The following ADGRB3 variants were observed in gnomAD, a reference collection of about 807,000 sequenced individuals.
ADGRB3 encodes brain-specific angiogenesis inhibitor 3.
A neutral mutation model predicts 193.4 loss-of-function variants in ADGRB3; 37 were observed. That is an observed-to-expected ratio of 0.19 (90% CI 0.15 to 0.25). The LOEUF (loss-of-function observed/expected upper bound fraction) is 0.25. Ranked by LOEUF, ADGRB3 falls within the 10% of genes least tolerant of loss-of-function variation. The probability of loss-of-function intolerance (pLI) is 1.00; values close to 1 mark genes in which losing one functional copy is unlikely to be tolerated. For synonymous variants in ADGRB3, 690 were observed against 644.2 expected, an observed-to-expected ratio of 1.07 and a Z score of -1.08; for missense variants, 1,637 against 1,852.9, an observed-to-expected ratio of 0.88 and a Z score of 2.14.
At chr6:68,859,446 C>T (rs1342530902) in intron 3 of ADGRB3, among the ~76,000 whole-genome samples, 2 of 152,224 alleles carry the variant, frequency 1.3e-5, no homozygotes, top group South Asian at 2.1e-4. Flanking sequence ...TTACTGTATT[C>T]GTCTGTTCTC....
Position 68,936,671 on chromosome 6 carries a change from C to T in ADGRB3, c.1021C>T (p.Leu341Phe), listed in dbSNP as rs2150248372. Residue 341 changes from leucine (L) to phenylalanine (F), a missense_variant, in exon 5 of 32, where the codon CTC becomes TTC. This residue lies in a region of ADGRB3 where 365 missense variants were observed against 409.8 expected (regional missense o/e 0.89). Coordinates refer to ENST00000370598, the MANE Select transcript of ADGRB3 (RefSeq NM_001704.3). ...RESRVCNNTALCPVHGVWEEW... is the reference protein window; with the variant it reads ...RESRVCNNTAFCPVHGVWEEW... Reference sequence around the variant, plus strand: ...ATCAAGGGTTTGCAATAACACTGCCCTCTGTCCAGGTAGTGTTAGCAGCAA... The same window carrying T: ...ATCAAGGGTTTGCAATAACACTGCCTTCTGTCCAGGTAGTGTTAGCAGCAA... The T allele has an allele frequency of 1.9e-6, 3 of 1,612,758 alleles. No homozygotes were observed. In the Admixed American group the frequency reaches 5.0e-5, roughly 27 times the overall value.
At chr6:69,102,765 G>C (rs1773101031) in intron 17 of ADGRB3, among the ~76,000 whole-genome samples, 1 of 152,178 alleles carries the variant, frequency 6.6e-6, no homozygotes, top group South Asian at 2.1e-4. Flanking sequence ...GACTTGTAAT[G>C]AGTCCAGATA....
At chr6:69,351,227 G>A (rs1415452395) in intron 26 of ADGRB3, among the ~76,000 whole-genome samples, 1 of 151,688 alleles carries the variant, frequency 6.6e-6, no homozygotes, top group Admixed American at 6.6e-5. Context: ...CAGGTAGCTG[G>A]GATTACAGGC....
In ADGRB3 at chr6:69,073,436, A is replaced by G. The variant is rs555900642; in HGVS notation, c.2437-2559A>G. 9.5e-4 allele frequency among the ~76,000 whole-genome samples: 145 copies of G among 152,218 alleles called. 1 individual carries two copies. The highest frequency in any genetic ancestry group is 3.4e-3 in the African/African-American group (142 of 41,538). ...AGAGCCGGGTTCTTGTTACATGGCC[A>G]TGAGAGATTAGGCTTGCAGACACTT... is the stretch of plus-strand genomic sequence containing the variant. On this transcript the variant is annotated intron_variant, in intron 16 of 31. Transcript: ENST00000370598.
chr6:69,032,188 T>C (rs758766269), intron 13 of ADGRB3, among the ~76,000 whole-genome samples: 22 of 152,326 alleles, frequency 1.4e-4, no homozygotes, highest in Non-Finnish European at 3.2e-4. Context: ...CTTGGAATTA[T>C]AGGTCTTCCC....
chr6:68,664,281 G>C (rs1768744099), intron 3 of ADGRB3, among the ~76,000 whole-genome samples: 2 of 151,456 alleles, frequency 1.3e-5, no homozygotes, highest in Admixed American at 1.3e-4. Flanking sequence ...ATTATATTTA[G>C]GATAAAATAT....
At chr6:68,652,934 G>A (rs952039876) in intron 3 of ADGRB3, among the ~76,000 whole-genome samples, 1 of 152,118 alleles carries the variant, frequency 6.6e-6, no homozygotes, top group African/African-American at 2.4e-5. Flanking sequence ...GAGATGTCAT[G>A]AATGTTTTTC....
At chr6:68,927,426 G>T (rs562915285) in intron 3 of ADGRB3, among the ~76,000 whole-genome samples, 2 of 151,974 alleles carry the variant, frequency 1.3e-5, no homozygotes. Context: ...AAAATAATTG[G>T]TTTTTCCTAA....
At chr6:68,937,948 G>A (rs1342789327) in intron 5 of ADGRB3, among the ~76,000 whole-genome samples, 2 of 152,140 alleles carry the variant, frequency 1.3e-5, no homozygotes, top group East Asian at 3.9e-4. Context: ...AAAAAGGACA[G>A]TGTGGAGGAA....
intron 3 of ADGRB3, among the ~76,000 whole-genome samples, chr6:68,842,141 A>G (rs1005948503): frequency 2.7e-4 from 41 of 152,136 alleles, no homozygotes; most frequent in African/African-American, 9.4e-4. Context: ...ATAACTATAT[A>G]CATCTACTAA....
At chr6:69,034,184 T>A (rs1419339603) in intron 13 of ADGRB3, among the ~76,000 whole-genome samples, 1 of 152,104 alleles carries the variant, frequency 6.6e-6, no homozygotes, top group East Asian at 1.9e-4. Context: ...TTTTGAAGAA[T>A]CTGTACTTTT....
intron 17 of ADGRB3, among the ~76,000 whole-genome samples, chr6:69,161,053 AT>A (rs1442014503): frequency 6.6e-6 from 1 of 152,058 alleles, no homozygotes; most frequent in African/African-American, 2.4e-5. Context: ...TCTAAAACTT[AT>A]TTTCCTTAGT....
At chr6:69,297,616 T>G (rs1467623474) in intron 20 of ADGRB3, among the ~76,000 whole-genome samples, 1 of 151,824 alleles carries the variant, frequency 6.6e-6, no homozygotes, top group African/African-American at 2.4e-5. Flanking sequence ...GAACAAAAGA[T>G]TTCCAAAAGA....
chr6:69,311,634 A>T (rs1039215806), intron 20 of ADGRB3, among the ~76,000 whole-genome samples: 3 of 151,760 alleles, frequency 2.0e-5, no homozygotes, highest in Admixed American at 6.6e-5. Flanking sequence ...GACTGAGATT[A>T]TCTCACCTTC....
intron 17 of ADGRB3, among the ~76,000 whole-genome samples, chr6:69,133,067 C>G (rs930369941): frequency 6.6e-5 from 10 of 152,118 alleles, no homozygotes; most frequent in Non-Finnish European, 1.3e-4. Flanking sequence ...CATGATGCCT[C>G]CAGCTTTGTT....
chr6:69,302,795 A>G (rs951710741), intron 20 of ADGRB3, among the ~76,000 whole-genome samples: 2 of 151,986 alleles, frequency 1.3e-5, no homozygotes, highest in Admixed American at 6.6e-5. Context: ...GCTCTAAACA[A>G]TAAACTCCTG....
intron 3 of ADGRB3, among the ~76,000 whole-genome samples, chr6:68,903,549 C>A: frequency 6.6e-6 from 1 of 152,062 alleles, no homozygotes; most frequent in Non-Finnish European, 1.5e-5. Flanking sequence ...CTTATACTTG[C>A]AACTGAATTG....
At chr6:69,284,648 A>G (rs1347831461) in intron 20 of ADGRB3, among the ~76,000 whole-genome samples, 4 of 151,096 alleles carry the variant, frequency 2.6e-5, no homozygotes, top group Middle Eastern at 3.2e-3. Context: ...TTCCCTTGAC[A>G]TTATGTATTT....
chr6:69,303,992 A>G (rs1277347546), intron 20 of ADGRB3, among the ~76,000 whole-genome samples: 2 of 151,932 alleles, frequency 1.3e-5, no homozygotes, highest in African/African-American at 4.8e-5. Context: ...AGTCTATTAT[A>G]AGACCACCTT....
Sources: gnomAD v4.1 joint callset for allele counts (sites outside exome capture counted in the v4.1 genomes callset) on GRCh38, gnomAD v4.1.1 for gene constraint, gnomAD v4.1.1 regional missense constraint, MANE v1.5 for transcripts, NCBI Gene and HGNC (gene_info 2026-07-23, HGNC 2026-07-21) for gene names.